ADCY5: variants seen among roughly 807,000 people sequenced by gnomAD.
The protein encoded by ADCY5 is adenylate cyclase 5.
Under a neutral mutation model 119.7 loss-of-function variants are expected in ADCY5, and 30 were observed. The ratio of observed to expected loss-of-function variants is 0.25; its 90% CI spans 0.19 to 0.34. The LOEUF (loss-of-function observed/expected upper bound fraction) is 0.34. Ranked by LOEUF, ADCY5 falls within the 10% of genes least tolerant of loss-of-function variation. The probability of loss-of-function intolerance (pLI) is 1.00; values close to 1 mark genes in which losing one functional copy is unlikely to be tolerated. For missense variants in ADCY5, 1,324 were observed against 1,775.2 expected, an observed-to-expected ratio of 0.75 and a Z score of 4.57; for synonymous variants, 753 against 762.2, an observed-to-expected ratio of 0.99 and a Z score of 0.20.
chr3:123,395,442 A>G (rs766335356), intron 1 of ADCY5, among the ~76,000 whole-genome samples: 100 of 151,964 alleles, frequency 6.6e-4, no homozygotes, highest in Non-Finnish European at 1.1e-3. Flanking sequence ...TCCTTTCCAT[A>G]CTGAGTGGAT....
chr3:123,338,622 T>G (rs968536785), intron 3 of ADCY5, among the ~76,000 whole-genome samples: 82 of 152,356 alleles, frequency 5.4e-4, no homozygotes, highest in Middle Eastern at 3.4e-3. Flanking sequence ...CAGGCCCTCA[T>G]GGCGGGTGCA....
At chr3:123,300,553 G>C (rs945390640) in intron 14 of ADCY5, among the ~76,000 whole-genome samples, 16 of 152,334 alleles carry the variant, frequency 1.1e-4, no homozygotes, top group Middle Eastern at 6.8e-3. Context: ...GGCTGCCCTG[G>C]GTTTCAGGCC....
chr3:123,433,354 T>C (rs966282121), intron 1 of ADCY5, among the ~76,000 whole-genome samples: 1 of 152,256 alleles, frequency 6.6e-6, no homozygotes, highest in African/African-American at 2.4e-5. Context: ...AGGGGGCAGA[T>C]GGATTCCTTC....
chr3:123,426,009 C>A (rs1022815416), intron 1 of ADCY5, among the ~76,000 whole-genome samples: 1 of 152,228 alleles, frequency 6.6e-6, no homozygotes, highest in African/African-American at 2.4e-5. Context: ...AAGTACAAAC[C>A]ATCCACATTT....
intron 12 of ADCY5, among the ~76,000 whole-genome samples, chr3:123,307,501 CCTTA>C (rs1181317656): frequency 2.0e-5 from 3 of 152,152 alleles, no homozygotes; most frequent in Non-Finnish European, 4.4e-5. Context: ...GAATGAAAGT[CCTTA>C]CTTCCCATTT....
intron 10 of ADCY5, 100 bp downstream of exon 10, chr3:123,319,574 C>T (rs1304993174): frequency 9.0e-6 from 13 of 1,441,024 alleles, no homozygotes; most frequent in Admixed American, 4.0e-5. Context: ...CCACCCCTTC[C>T]GTGGTGCTGG....
chr3:123,285,010 C>T (rs1938640408), intron 20 of ADCY5, among the ~76,000 whole-genome samples: 1 of 152,208 alleles, frequency 6.6e-6, no homozygotes, highest in East Asian at 1.9e-4. Flanking sequence ...TCAGTGTGGC[C>T]TGTGGTCCAT....
chr3:123,329,610 A>T (rs991435182), intron 5 of ADCY5, among the ~76,000 whole-genome samples: 7 of 152,106 alleles, frequency 4.6e-5, no homozygotes, highest in Admixed American at 1.3e-4. Flanking sequence ...GGATGAACTC[A>T]GATTGCACTT....
intron 6 of ADCY5, among the ~76,000 whole-genome samples, 164 bp from the exon 7 acceptor site, chr3:123,327,923 T>A (rs1335471399): frequency 1.3e-5 from 2 of 152,120 alleles, no homozygotes; most frequent in African/African-American, 2.4e-5. Context: ...GTACCCTCCA[T>A]TACTATCAAG....
intron 9 of ADCY5, 132 bp from the exon 10 acceptor site, chr3:123,319,950 G>T: frequency 7.8e-7 from 1 of 1,288,648 alleles, no homozygotes; most frequent in African/African-American, 1.5e-5. Context: ...AATCAGGGCA[G>T]CGGGAGCTGA....
At chr3:123,298,615 G>T (rs1472096383) in intron 15 of ADCY5, among the ~76,000 whole-genome samples, 1 of 151,890 alleles carries the variant, frequency 6.6e-6, no homozygotes, top group Non-Finnish European at 1.5e-5. Flanking sequence ...CACTTTCTCA[G>T]GCGACACCAC....
At chr3:123,396,817 GGC>G (rs1944604192) in intron 1 of ADCY5, among the ~76,000 whole-genome samples, 3 of 64,736 alleles carry the variant, frequency 4.6e-5, no homozygotes, top group African/African-American at 5.6e-5. Flanking sequence ...CAGGCAGGCA[GGC>G]GAGAGAGAGA....
At chr3:123,297,468 C>T in intron 15 of ADCY5, 86 bp from the exon 16 acceptor site, 2 of 1,421,656 alleles carry the variant, frequency 1.4e-6, no homozygotes, top group South Asian at 1.1e-5. Context: ...ACGCCCTGCT[C>T]TGCTGTCCCC....
intron 1 of ADCY5, among the ~76,000 whole-genome samples, chr3:123,411,570 T>G (rs1945047827): frequency 6.6e-6 from 1 of 152,114 alleles, no homozygotes; most frequent in Admixed American, 6.5e-5. Context: ...CCTATCTTTC[T>G]CCTTCCCCTG....
At chr3:123,303,875 A>G (rs1248473249) in intron 13 of ADCY5, among the ~76,000 whole-genome samples, 192 bp downstream of exon 13, 2 of 126,064 alleles carry the variant, frequency 1.6e-5, no homozygotes, top group Non-Finnish European at 3.0e-5. Context: ...AGAGAAGAGA[A>G]GAGAAGAGAA....
chr3:123,304,507 G>T (rs1940090811), intron 12 of ADCY5, among the ~76,000 whole-genome samples: 1 of 152,182 alleles, frequency 6.6e-6, no homozygotes, highest in South Asian at 2.1e-4. Context: ...TTGACCCGCT[G>T]TGTGCCATCA....
intron 8 of ADCY5, among the ~76,000 whole-genome samples, chr3:123,324,283 T>C (rs933114966): frequency 4.6e-5 from 7 of 152,106 alleles, no homozygotes; most frequent in African/African-American, 1.7e-4. Flanking sequence ...CCCTGCTGGA[T>C]TTCCAGGGAG....
chr3:123,310,103 TACACACACACACACACACACACAC>T (rs60966110), intron 12 of ADCY5, among the ~76,000 whole-genome samples: 52 of 121,216 alleles, frequency 4.3e-4, no homozygotes, highest in African/African-American at 7.7e-4. Flanking sequence ...GAGAGAGATT[TACACACACACACACACACACACAC>T]ACACACACAC....
At chr3:123,336,424 C>T (rs1435448818) in intron 3 of ADCY5, among the ~76,000 whole-genome samples, 1 of 152,250 alleles carries the variant, frequency 6.6e-6, no homozygotes, top group African/African-American at 2.4e-5. Flanking sequence ...TGGCCAACAC[C>T]AGTACTTCAA....
Sources: gnomAD v4.1 joint callset for allele counts (sites outside exome capture counted in the v4.1 genomes callset) on GRCh38, gnomAD v4.1.1 for gene constraint, MANE v1.5 for transcripts, NCBI Gene and HGNC (gene_info 2026-07-23, HGNC 2026-07-21) for gene names.